MAPKAPK2: variants seen among roughly 807,000 people sequenced by gnomAD.
The protein encoded by MAPKAPK2 is MAP kinase-activated protein kinase 2.
Under a neutral mutation model 48.8 loss-of-function variants are expected in MAPKAPK2, and 9 were observed. That is an observed-to-expected ratio of 0.18 (90% CI 0.11 to 0.32). MAPKAPK2 has a LOEUF of 0.32. Among genes scored for constraint, MAPKAPK2 ranks in the 10% least tolerant of loss-of-function variants. The probability of loss-of-function intolerance (pLI) is 1.00; values close to 1 mark genes in which losing one functional copy is unlikely to be tolerated. For missense variants in MAPKAPK2, 331 were observed against 498.3 expected (o/e 0.66, Z 3.20); for synonymous variants, 202 against 190.6 (o/e 1.06, Z -0.49).
chr1:206,729,305 A>G (rs1553432302), intron 3 of MAPKAPK2, 91 bp from the exon 4 acceptor site: 1 of 1,206,466 alleles, frequency 8.3e-7, no homozygotes, highest in African/African-American at 1.5e-5. Context: ...CTCAGGCTGC[A>G]CAGAGGTGGG....
At chr1:206,716,243 A>G (rs1181369693) in intron 1 of MAPKAPK2, among the ~76,000 whole-genome samples, 1 of 152,050 alleles carries the variant, frequency 6.6e-6, no homozygotes, top group East Asian at 1.9e-4. Flanking sequence ...CCCTGCTCGT[A>G]GCAGAAGGCA....
rs1313383325 is a variant in MAPKAPK2 at position 206,704,876 on chromosome 1, T to C, written c.279+19368T>C. 6.6e-6 allele frequency among the ~76,000 whole-genome samples: 1 copy of C among 152,130 alleles called. No individual in the cohort carries two copies. Among genetic ancestry groups the C allele is most frequent in the African/African-American group, 2.4e-5 (1 of 41,426 alleles). ...CTATGTTCAGGGAACTGGGTGAACT[T>C]GGAAGAAGGAGCCGCCCGTTTCTCC... is the stretch of plus-strand genomic sequence containing the variant. On this transcript the variant is annotated intron_variant, in intron 1 of 9. Coordinates refer to ENST00000367103, the MANE Select transcript of MAPKAPK2 (RefSeq NM_032960.4). This position sits in a 1 kb window ranked among gnomAD's most constrained non-coding sequence, Gnocchi z 4.3.
chr1:206,729,213 A>C (rs1029233347), intron 3 of MAPKAPK2, 114 bp downstream of exon 3: 20 of 1,237,054 alleles, frequency 1.6e-5, no homozygotes, highest in Non-Finnish European at 2.0e-5. Context: ...TGCCCCCTCC[A>C]GCATGCTGCA....
intron 5 of MAPKAPK2, 38 bp from the exon 6 acceptor site, chr1:206,730,650 T>C (rs1673871772): frequency 6.3e-7 from 1 of 1,575,788 alleles, no homozygotes; most frequent in African/African-American, 1.3e-5. Context: ...CACAGGGTTC[T>C]GAGGGCCGGC....
At chr1:206,715,198 A>G (rs555958332) in intron 1 of MAPKAPK2, among the ~76,000 whole-genome samples, 201 of 152,320 alleles carry the variant, frequency 1.3e-3, no homozygotes, top group African/African-American at 4.5e-3. Flanking sequence ...AATACTGGAG[A>G]TGAAAATTCT....
intron 1 of MAPKAPK2, among the ~76,000 whole-genome samples, chr1:206,721,425 T>C (rs1055330304): frequency 3.9e-5 from 6 of 152,316 alleles, no homozygotes; most frequent in African/African-American, 1.4e-4. Flanking sequence ...AAATAACTCT[T>C]GAGATGTATA....
At chr1:206,689,870 C>T (rs556649310) in intron 1 of MAPKAPK2, among the ~76,000 whole-genome samples, 21 of 152,332 alleles carry the variant, frequency 1.4e-4, no homozygotes, top group African/African-American at 4.6e-4. Flanking sequence ...CCTTGCAGAA[C>T]GTTCTCCTAG....
Position 206,731,821 on chromosome 1 carries a change from C to A in MAPKAPK2, c.979-18C>A. 3 of 1,613,864 alleles carry A rather than the reference C, an allele frequency of 1.9e-6. No individual in the cohort carries two copies. The highest frequency in any genetic ancestry group is 2.5e-6 in the Non-Finnish European group (3 of 1,179,764). ...CCTACCCCAGGCTTTCACTCGGACCCCTTTTCTCTCTTCTCAGCAATCAAC... is the reference window on the plus strand; with the variant it reads ...CCTACCCCAGGCTTTCACTCGGACCACTTTTCTCTCTTCTCAGCAATCAAC... On this transcript the variant is annotated intron_variant, in intron 8 of 9. Transcript: ENST00000367103. This position sits in a 1 kb window ranked among gnomAD's most constrained non-coding sequence, Gnocchi z 5.9.
chr1:206,698,451 G>A lies in MAPKAPK2; in HGVS notation c.279+12943G>A, dbSNP rs182216452. ...ACTTACTACTCAAGAAAATTAATTA[G>A]CAATGCCAAGAGTGACTTGTACAGC... On this transcript the variant is annotated intron_variant, in intron 1 of 9. Transcript: ENST00000367103. Among the ~76,000 whole-genome samples the A allele has an allele frequency of 8.5e-5, 13 of 152,282 alleles. No individual in the cohort carries two copies. In the East Asian group the frequency reaches 1.9e-3, roughly 23 times the overall value.
In MAPKAPK2 at chr1:206,732,934, G is replaced by A. The variant is rs1243462837; in HGVS notation, c.*216G>A. On this transcript the variant is annotated 3_prime_UTR_variant, in exon 10 of 10. Transcript: ENST00000367103. The surrounding 1 kb of genome is among the most constrained non-coding windows in gnomAD (Gnocchi z 4.4). ...GGAGGCTGTGGAGAGAAGTGAGCAA[G>A]GTGCTCTTGAACCTGTGCTCATTTT... 6 of 545,258 alleles carry A rather than the reference G, an allele frequency of 1.1e-5. No individual in the cohort carries two copies. Among genetic ancestry groups the A allele is most frequent in the Non-Finnish European group, 1.9e-5 (6 of 313,086 alleles). The allele number at this position is 545,258 out of a possible 1,614,324, so 33.8% of individuals were successfully genotyped here.
chr1:206,692,910 G>A lies in MAPKAPK2; in HGVS notation c.279+7402G>A, dbSNP rs879984365. On this transcript the variant is annotated intron_variant, in intron 1 of 9. Transcript: ENST00000367103. ...CTTTTCTGTTTCAGAGCATATGAGG[G>A]AGCTGAGGGAGCTGTACTGTTGATG... Among the ~76,000 whole-genome samples the A allele has an allele frequency of 6.3e-4, 96 of 152,298 alleles. 1 individual carries two copies. Among genetic ancestry groups the A allele is most frequent in the Non-Finnish European group, 1.1e-3 (74 of 68,028 alleles).
In MAPKAPK2 at chr1:206,685,402, C is replaced by T. The variant is rs1553425429; in HGVS notation, c.173C>T (p.Ala58Val). 3 of 1,542,412 alleles carry T rather than the reference C, an allele frequency of 1.9e-6. No individual in the cohort carries two copies. The South Asian group carries it at 3.4e-5, about 18-fold the overall frequency. Residue 58 changes from alanine (A) to valine (V), a missense_variant, in exon 1 of 10, where the codon GCC (alanine) becomes GTC (valine). Around this residue, in one of 4 missense-constraint regions of MAPKAPK2, gnomAD observed 93 missense variants for 81.0 expected, o/e 1.15. Transcript: ENST00000367103. ...VKSGLQIKKN[A>V]IIDDYKVTSQ... ...TCCGGCCTGCAGATCAAGAAGAACG[C>T]CATCATCGATGACTACAAGGTCACC...
chr1:206,714,028 T>C (rs573360127), intron 1 of MAPKAPK2, among the ~76,000 whole-genome samples: 1 of 152,280 alleles, frequency 6.6e-6, no homozygotes, highest in Non-Finnish European at 1.5e-5. Flanking sequence ...AAGATTTATA[T>C]CTGGGAGCCT....
At chr1:206,714,978 C>G (rs1183276477) in intron 1 of MAPKAPK2, among the ~76,000 whole-genome samples, 1 of 152,024 alleles carries the variant, frequency 6.6e-6, no homozygotes, top group Non-Finnish European at 1.5e-5. Context: ...TCTTTGCCAC[C>G]TCCTCTCCCC....
intron 1 of MAPKAPK2, among the ~76,000 whole-genome samples, chr1:206,702,334 C>G (rs1378952804): frequency 6.6e-6 from 1 of 152,218 alleles, no homozygotes; most frequent in Admixed American, 6.5e-5. Flanking sequence ...GTGGTCCCTG[C>G]CACTCCAAGT....
In MAPKAPK2 at chr1:206,685,432, A is replaced by T; in HGVS notation, c.203A>T (p.Gln68Leu). 1 of 1,543,826 alleles carries T rather than the reference A, an allele frequency of 6.5e-7. No homozygotes were observed. Among genetic ancestry groups the T allele is most frequent in the Admixed American group, 1.8e-5 (1 of 55,076 alleles). The part of the protein sequence containing the change: ...AIIDDYKVTS[Q>L]VLGLGINGKV... ...ATCGATGACTACAAGGTCACCAGCC[A>T]GGTCCTGGGGCTGGGCATCAACGGC... The change falls in exon 1 of 10, where the codon CAG (glutamine) becomes CTG (leucine). Residue 68 changes from glutamine to leucine, a missense_variant. Coordinates refer to ENST00000367103, the MANE Select transcript of MAPKAPK2 (RefSeq NM_032960.4).
chr1:206,691,746 A>G (rs555191215), intron 1 of MAPKAPK2, among the ~76,000 whole-genome samples: 1 of 152,096 alleles, frequency 6.6e-6, no homozygotes, highest in East Asian at 1.9e-4. Context: ...GCTGCAGGCC[A>G]GAGGTGGAGG....
chr1:206,720,634 T>C (rs1673484487), intron 1 of MAPKAPK2, among the ~76,000 whole-genome samples: 1 of 152,206 alleles, frequency 6.6e-6, no homozygotes, highest in Non-Finnish European at 1.5e-5. Context: ...GCTGGGGTTA[T>C]AGATGTGAGC....
chr1:206,713,930 G>A (rs1673238076), intron 1 of MAPKAPK2, among the ~76,000 whole-genome samples: 1 of 152,146 alleles, frequency 6.6e-6, no homozygotes, highest in South Asian at 2.1e-4. Flanking sequence ...GACTGGAAAA[G>A]GAAAGATGGA....
Sources: gnomAD v4.1 joint callset for allele counts (sites outside exome capture counted in the v4.1 genomes callset) on GRCh38, gnomAD v4.1.1 for gene constraint, gnomAD v4.1.1 regional missense constraint, Gnocchi (gnomAD v3.1) non-coding constraint, MANE v1.5 for transcripts, NCBI Gene and HGNC (gene_info 2026-07-23, HGNC 2026-07-21) for gene names.